MTCL1: variants seen among roughly 807,000 people sequenced by gnomAD.
MTCL1 encodes microtubule cross-linking factor 1.
A neutral mutation model predicts 141.4 loss-of-function variants in MTCL1; 79 were observed. The observed-to-expected ratio is 0.56, with a 90% CI of 0.47 to 0.67. MTCL1 has a LOEUF of 0.67. MTCL1 is among the 30% of genes least tolerant of loss of function. The pLI is 0.00. For synonymous variants in MTCL1, 914 were observed against 875.8 expected (o/e 1.04, Z -0.77); for missense variants, 2,177 against 2,113.9 (o/e 1.03, Z -0.59).
At chr18:8,746,239 TG>T (rs2096337194) in intron 4 of MTCL1, among the ~76,000 whole-genome samples, 1 of 152,224 alleles carries the variant, frequency 6.6e-6, no homozygotes, top group South Asian at 2.1e-4. Context: ...TCAGTTCTTT[TG>T]GGTGTGTACT....
At position 8,825,632 on chromosome 18, in the gene MTCL1, C is replaced by A. The variant is rs78834168; in HGVS notation, c.4122C>A (p.Ile1374=). The A allele has an allele frequency of 2.4e-5, 38 of 1,613,846 alleles. No individual in the cohort carries two copies. The East Asian group carries it at 8.0e-4, about 34-fold the overall frequency. ...GGAGCAGACAGGTGGCCCCTGCCATCGAGAAGGTGCAGGCCAAGTTTGAAC... is the reference window on the plus strand; with the variant it reads ...GGAGCAGACAGGTGGCCCCTGCCATAGAGAAGGTGCAGGCCAAGTTTGAAC... The change falls in exon 15 of 17, where the codon ATC becomes ATA. Residue 1374 remains isoleucine, a synonymous_variant. Transcript: ENST00000359865.
chr18:8,831,903 CA>C (rs2077204044), exon 17 of MTCL1: 4 of 1,372,536 alleles, frequency 2.9e-6, no homozygotes, highest in Non-Finnish European at 4.0e-6. Flanking sequence ...CTAGTTTTCT[CA>C]AGGTCAAAGA....
intron 4 of MTCL1, among the ~76,000 whole-genome samples, chr18:8,775,530 A>T (rs1346648182): frequency 6.6e-6 from 1 of 152,062 alleles, no homozygotes; most frequent in African/African-American, 2.4e-5. Flanking sequence ...CCGAGATTGC[A>T]CCACTGCACT....
chr18:8,756,505 G>GTA (rs1165562666), intron 4 of MTCL1, among the ~76,000 whole-genome samples: 3 of 150,222 alleles, frequency 2.0e-5, no homozygotes, highest in East Asian at 1.9e-4. Context: ...ATATATGTGT[G>GTA]TATATATATG....
chr18:8,783,205 C>T (rs2096538499), intron 5 of MTCL1, among the ~76,000 whole-genome samples: 6 of 151,934 alleles, frequency 3.9e-5, no homozygotes, highest in Admixed American at 3.9e-4. Flanking sequence ...GGTTTTGGGC[C>T]TCATTTCGTT....
intron 10 of MTCL1, among the ~76,000 whole-genome samples, chr18:8,799,247 G>A (rs898043912): frequency 6.6e-6 from 1 of 152,230 alleles, no homozygotes; most frequent in Admixed American, 6.5e-5. Context: ...AGCTCTAATG[G>A]GAGCACGCTG....
At chr18:8,806,737 C>T (rs759347241) in intron 10 of MTCL1, among the ~76,000 whole-genome samples, 156 bp from the exon 10 acceptor site, 1 of 152,138 alleles carries the variant, frequency 6.6e-6, no homozygotes, top group South Asian at 2.1e-4. Context: ...TTCTTTGCTC[C>T]CCGGCTAACT....
In MTCL1 at chr18:8,814,435, C is replaced by G. The variant is rs2076585953; in HGVS notation, c.2859+1202C>G. On this transcript the variant is annotated intron_variant, in intron 12 of 16. Transcript: ENST00000359865. Reference sequence around the variant, plus strand: ...TACACAAATGAGTCACCTTACTAATCTTTGATATTCCCCAAATCCTATCAA... The same window carrying G: ...TACACAAATGAGTCACCTTACTAATGTTTGATATTCCCCAAATCCTATCAA... 2.6e-5 allele frequency among the ~76,000 whole-genome samples: 4 copies of G among 152,230 alleles called. No individual in the cohort carries two copies. In the South Asian group the frequency reaches 8.3e-4, roughly 32 times the overall value.
chr18:8,706,183 G>C, exon 1 of MTCL1: 1 of 1,224,110 alleles, frequency 8.2e-7, no homozygotes, highest in Non-Finnish European at 1.0e-6. Flanking sequence ...CCGCACCGTC[G>C]GCCCCCCGAC....
chr18:8,770,975 A>G (rs2096483071), intron 4 of MTCL1, among the ~76,000 whole-genome samples: 1 of 152,162 alleles, frequency 6.6e-6, no homozygotes, highest in Middle Eastern at 3.2e-3. Flanking sequence ...CTTATGGCAT[A>G]ATATTTAGAA....
At chr18:8,735,708 G>A (rs1229525285) in intron 4 of MTCL1, among the ~76,000 whole-genome samples, 1 of 152,138 alleles carries the variant, frequency 6.6e-6, no homozygotes, top group Non-Finnish European at 1.5e-5. Context: ...AGCTGAATGA[G>A]TGAAGGCCCG....
chr18:8,730,227 C>T (rs184368530), intron 4 of MTCL1, among the ~76,000 whole-genome samples: 43 of 152,148 alleles, frequency 2.8e-4, no homozygotes, highest in East Asian at 1.5e-3. Flanking sequence ...GTGCGGAGTC[C>T]GTGCCAGCCA....
chr18:8,767,627 A>AC (rs2096465531), intron 4 of MTCL1, among the ~76,000 whole-genome samples: 1 of 152,110 alleles, frequency 6.6e-6, no homozygotes, highest in South Asian at 2.1e-4. Context: ...TGACTTGAGT[A>AC]CCCGGGGTCC....
chr18:8,708,201 C>A (rs1382973462), intron 1 of MTCL1, among the ~76,000 whole-genome samples: 2 of 152,120 alleles, frequency 1.3e-5, no homozygotes, highest in Admixed American at 6.5e-5. Context: ...TTAGCATAAC[C>A]CCTGACTTAC....
chr18:8,778,068 C>T, intron 5 of MTCL1, 176 bp downstream of exon 4: 1 of 510,722 alleles, frequency 2.0e-6, no homozygotes, highest in Non-Finnish European at 3.4e-6. Context: ...TGCAAACCCA[C>T]AGCTCCTCCC....
intron 7 of MTCL1, among the ~76,000 whole-genome samples, chr18:8,791,304 C>T (rs938064734): frequency 6.6e-6 from 1 of 152,080 alleles, no homozygotes; most frequent in Non-Finnish European, 1.5e-5. Flanking sequence ...AAGCTGGCCT[C>T]ACCCAAGGTC....
intron 7 of MTCL1, among the ~76,000 whole-genome samples, chr18:8,792,298 T>C (rs2075758120): frequency 6.6e-6 from 1 of 152,192 alleles, no homozygotes; most frequent in South Asian, 2.1e-4. Context: ...TATCATGGCA[T>C]TAGAACATAA....
In MTCL1 at chr18:8,822,678, C is replaced by T. The variant is rs567953976; in HGVS notation, c.3188+1180C>T. 4.6e-5 allele frequency among the ~76,000 whole-genome samples: 7 copies of T among 152,160 alleles called. No homozygotes were observed. The highest frequency in any genetic ancestry group is 6.5e-5 in the Admixed American group (1 of 15,288). ...TCAGTTTCCTCATCTGTATACAGGA[C>T]GTATTTTGATTATCTTTTTTTTTTG... On this transcript the variant is annotated intron_variant, in intron 14 of 16. Coordinates refer to ENST00000359865, the Ensembl canonical transcript of MTCL1. The surrounding 1 kb of genome is among the most constrained non-coding windows in gnomAD (Gnocchi z 4.6).
At chr18:8,709,713 A>G (rs999271844) in intron 1 of MTCL1, among the ~76,000 whole-genome samples, 1 of 152,258 alleles carries the variant, frequency 6.6e-6, no homozygotes, top group Non-Finnish European at 1.5e-5. Context: ...TTTCTGAACT[A>G]GAATGACCAA....
Sources: gnomAD v4.1 joint callset for allele counts (sites outside exome capture counted in the v4.1 genomes callset) on GRCh38, gnomAD v4.1.1 for gene constraint, Gnocchi (gnomAD v3.1) non-coding constraint, MANE v1.5 for transcripts, NCBI Gene and HGNC (gene_info 2026-07-23, HGNC 2026-07-21) for gene names.